The following ZRANB3 variants were observed in gnomAD, a reference collection of about 807,000 sequenced individuals.
ZRANB3 encodes the protein zinc finger RANBP2-type containing 3, also known as DNA annealing helicase and endonuclease ZRANB3.
A neutral mutation model predicts 133.8 loss-of-function variants in ZRANB3; 125 were observed. The ratio of observed to expected loss-of-function variants is 0.93; its 90% confidence interval spans 0.81 to 1.08. ZRANB3 has a LOEUF of 1.08. Among genes scored for constraint, ZRANB3 ranks in the 50% least tolerant of loss-of-function variants. The probability of loss-of-function intolerance (pLI) is 0.00; values close to 1 mark genes in which losing one functional copy is unlikely to be tolerated. For synonymous variants in ZRANB3, 387 were observed against 432.7 expected (o/e 0.89, Z 1.31); for missense variants, 1,229 against 1,275.5 (o/e 0.96, Z 0.56).
intron 4 of ZRANB3, among the ~76,000 whole-genome samples, chr2:135,352,532 C>A (rs1384010719): frequency 2.0e-5 from 3 of 151,860 alleles, no homozygotes; most frequent in Non-Finnish European, 4.4e-5. Flanking sequence ...TAAATAGAGT[C>A]CAGATTTTCT....
chr2:135,415,364 G>T (rs1167702707), intron 2 of ZRANB3, among the ~76,000 whole-genome samples: 1 of 152,202 alleles, frequency 6.6e-6, no homozygotes, highest in East Asian at 1.9e-4. Context: ...TAGAAGAAAT[G>T]GATAAATTCC....
chr2:135,504,664 G>A (rs1326302856), intron 1 of ZRANB3, among the ~76,000 whole-genome samples, 168 bp from the exon 2 acceptor site: 2 of 152,036 alleles, frequency 1.3e-5, no homozygotes, highest in East Asian at 3.9e-4. Flanking sequence ...AAAATTCAAA[G>A]CACTGAGTTT....
At chr2:135,394,652 A>G (rs947937132) in intron 2 of ZRANB3, among the ~76,000 whole-genome samples, 4 of 152,144 alleles carry the variant, frequency 2.6e-5, no homozygotes, top group Admixed American at 2.6e-4. Context: ...ACCTTACATA[A>G]TAAGATATAG....
chr2:135,263,420 T>A (rs1266178962), intron 12 of ZRANB3, among the ~76,000 whole-genome samples: 2 of 152,218 alleles, frequency 1.3e-5, no homozygotes, highest in Admixed American at 6.5e-5. Context: ...TGTGCATGTA[T>A]CCTTACATAT....
rs557693845 is a variant in ZRANB3, at chr2:135,212,048, C to A, written c.2496-3070G>T. On this transcript the variant is annotated intron_variant, in intron 17 of 20. Coordinates refer to ENST00000264159, the MANE Select transcript of ZRANB3 (RefSeq NM_032143.4). ...ACAATGTCATTTTTAAGAGTCTCTG[C>A]TAATAGTGATAGGCATCTCATCATA... Among the ~76,000 whole-genome samples the A allele has an allele frequency of 3.3e-5, 5 of 152,264 alleles. No individual in the cohort carries two copies. In the East Asian group the frequency reaches 9.6e-4, roughly 29 times the overall value.
chr2:135,428,134 T>C, intron 2 of ZRANB3, among the ~76,000 whole-genome samples: 1 of 152,138 alleles, frequency 6.6e-6, no homozygotes. Flanking sequence ...ATTCTGGACA[T>C]AGGCCATGGC....
chr2:135,470,421 C>T (rs1691204440), intron 2 of ZRANB3, among the ~76,000 whole-genome samples: 1 of 152,000 alleles, frequency 6.6e-6, no homozygotes, highest in Non-Finnish European at 1.5e-5. Context: ...AGCGGTGGCT[C>T]ACGCCTGTAA....
chr2:135,255,907 T>C (rs1679629093), intron 12 of ZRANB3, among the ~76,000 whole-genome samples: 1 of 145,682 alleles, frequency 6.9e-6, no homozygotes, highest in East Asian at 1.9e-4. Context: ...GGTCAACTCA[T>C]TAAAATTTTT....
At chr2:135,274,777 C>A (rs1294141633) in intron 9 of ZRANB3, among the ~76,000 whole-genome samples, 5 of 152,174 alleles carry the variant, frequency 3.3e-5, no homozygotes, top group South Asian at 2.1e-4. Context: ...CTGCGGCCTT[C>A]CGCAGTGTTT....
At chr2:135,404,208 A>T (rs527522750) in intron 2 of ZRANB3, among the ~76,000 whole-genome samples, 1 of 152,294 alleles carries the variant, frequency 6.6e-6, no homozygotes, top group African/African-American at 2.4e-5. Context: ...CCTTGAAAAA[A>T]ATTAGACGCA....
chr2:135,330,209 A>T, intron 6 of ZRANB3, among the ~76,000 whole-genome samples: 1 of 152,080 alleles, frequency 6.6e-6, no homozygotes, highest in East Asian at 1.9e-4. Context: ...AATAGCTCTT[A>T]TTATTTTGAG....
chr2:135,326,069 G>T (rs1683800290), intron 6 of ZRANB3, among the ~76,000 whole-genome samples: 1 of 152,184 alleles, frequency 6.6e-6, no homozygotes, highest in African/African-American at 2.4e-5. Context: ...TTTGCTGTAT[G>T]TGAGCCTTAT....
At chr2:135,392,207 A>T (rs1159816122) in intron 2 of ZRANB3, among the ~76,000 whole-genome samples, 1 of 151,994 alleles carries the variant, frequency 6.6e-6, no homozygotes, top group Non-Finnish European at 1.5e-5. Flanking sequence ...CCAGTGGCTC[A>T]GGAGGGTGAG....
In ZRANB3 at chr2:135,208,994, G is replaced by T; in HGVS notation, c.2496-16C>A. The T allele has an allele frequency of 6.2e-7, 1 of 1,602,858 alleles. No homozygotes were observed. Among genetic ancestry groups the T allele is most frequent in the Non-Finnish European group, 8.5e-7 (1 of 1,169,970 alleles). ...GGTTATGTATCTAAAACAATGATAT[G>T]TTAAATAGATTCCCTCTATCTCATA... On this transcript the variant is annotated splice_polypyrimidine_tract_variant and intron_variant, in intron 17 of 20. Transcript: ENST00000264159.
In ZRANB3 at chr2:135,200,253, T is replaced by C; in HGVS notation, c.*89A>G. 2 of 1,077,480 alleles carry C rather than the reference T, an allele frequency of 1.9e-6. No homozygotes were observed. Among genetic ancestry groups the C allele is most frequent in the Non-Finnish European group, 2.7e-6 (2 of 739,834 alleles). The allele number at this position is 1,077,480 out of a possible 1,614,324, so 66.7% of individuals were successfully genotyped here. A position where few individuals can be genotyped will look rare whatever the true frequency, so the allele number is the denominator to read the frequency against. ...TGATTTTTGTTCTGAAAATTTTTAC[T>C]CTCGATATATTAAACAAACATGGAA... is the stretch of plus-strand genomic sequence containing the variant. On this transcript the variant is annotated 3_prime_UTR_variant, in exon 21 of 21. Coordinates refer to ENST00000264159, the MANE Select transcript of ZRANB3 (RefSeq NM_032143.4).
chr2:135,414,677 A>C (rs918336846), intron 2 of ZRANB3, among the ~76,000 whole-genome samples: 1 of 152,158 alleles, frequency 6.6e-6, no homozygotes, highest in African/African-American at 2.4e-5. Context: ...CACCACACCT[A>C]TTCCAAAATT....
chr2:135,434,157 C>G (rs1689433989), intron 2 of ZRANB3, among the ~76,000 whole-genome samples: 1 of 152,022 alleles, frequency 6.6e-6, no homozygotes, highest in Non-Finnish European at 1.5e-5. Context: ...GCGAGAGACT[C>G]CATCTCAAAA....
intron 12 of ZRANB3, among the ~76,000 whole-genome samples, chr2:135,241,971 G>A (rs1695570827): frequency 1.3e-5 from 2 of 152,096 alleles, no homozygotes; most frequent in African/African-American, 4.8e-5. Flanking sequence ...CTTGAGGTCA[G>A]GAGTTCCAGA....
intron 10 of ZRANB3, among the ~76,000 whole-genome samples, chr2:135,269,539 C>A (rs569760916): frequency 1.3e-5 from 2 of 152,284 alleles, no homozygotes; most frequent in South Asian, 4.1e-4. Flanking sequence ...CTTCATCTAA[C>A]TCACACTGTC....
Sources: allele counts gnomAD v4.1 joint callset (sites outside exome capture counted in the v4.1 genomes callset), GRCh38; gene constraint gnomAD v4.1.1; transcripts MANE v1.5; gene names NCBI Gene and HGNC (gene_info 2026-07-23, HGNC 2026-07-21).